Variants in DCPH1 observed in about 807,000 individuals in gnomAD.
DCPH1 encodes the protein damage-control phosphatase 1.
the DCPH1 span, chr6:151,452,516 C>A: frequency 6.2e-7 from 1 of 1,610,996 alleles, no homozygotes; most frequent in Non-Finnish European, 8.5e-7. Context: ...ATTGAACAGC[C>A]GAGCTTTGCG....
chr6:151,455,217 G>A, the DCPH1 span, among the ~76,000 whole-genome samples: 51 of 152,336 alleles, frequency 3.3e-4, 1 homozygote, highest in African/African-American at 1.2e-3. Flanking sequence ...TATTGAAGGG[G>A]TGGGTTGCCC....
chr6:151,464,721 TGA>T, the DCPH1 span: 1 of 736,086 alleles, frequency 1.4e-6, no homozygotes, highest in Non-Finnish European at 2.0e-6. Context: ...CTATAATTGA[TGA>T]TTTTTTATCT....
chr6:151,456,622 C>T, the DCPH1 span, among the ~76,000 whole-genome samples: 1 of 152,062 alleles, frequency 6.6e-6, no homozygotes, highest in African/African-American at 2.4e-5. Context: ...TGGTCATATA[C>T]GCAAGCAAAT....
At chr6:151,469,072 G>C in the DCPH1 span, 1 of 1,613,406 alleles carries the variant, frequency 6.2e-7, no homozygotes, top group Non-Finnish European at 8.5e-7. Context: ...GTGGACCACT[G>C]GAAAATATGG....
the DCPH1 span, among the ~76,000 whole-genome samples, chr6:151,454,113 G>A: frequency 1.2e-4 from 19 of 152,158 alleles, no homozygotes; most frequent in African/African-American, 4.3e-4. Context: ...TGTTGTTCAA[G>A]CACATTAGAC....
chr6:151,458,195 T>C, the DCPH1 span: 1 of 1,175,916 alleles, frequency 8.5e-7, no homozygotes, highest in South Asian at 1.6e-5. Context: ...GAGTTCTAAA[T>C]GTAATGTTTA....
chr6:151,454,928 C>G, the DCPH1 span, among the ~76,000 whole-genome samples: 2 of 152,140 alleles, frequency 1.3e-5, no homozygotes, highest in Admixed American at 1.3e-4. Context: ...GGGCAACAGA[C>G]TTGCAATTGA....
At chr6:151,469,942 AT>A in the DCPH1 span, 3 of 152,232 alleles carry the variant, frequency 2.0e-5, no homozygotes, top group Non-Finnish European at 2.9e-5. Context: ...ACTACCAACA[AT>A]GAATGAATTT....
chr6:151,463,743 C>G, the DCPH1 span, among the ~76,000 whole-genome samples: 44 of 152,186 alleles, frequency 2.9e-4, no homozygotes, highest in Admixed American at 4.6e-4. Flanking sequence ...TTGGAAGACC[C>G]AATAATCTGA....
the DCPH1 span, among the ~76,000 whole-genome samples, chr6:151,466,839 C>T: frequency 1.3e-5 from 2 of 152,076 alleles, no homozygotes; most frequent in South Asian, 2.1e-4. Context: ...TGAAGGCCAT[C>T]GTGGACACCA....
chr6:151,456,873 T>G, the DCPH1 span, among the ~76,000 whole-genome samples: 1 of 152,212 alleles, frequency 6.6e-6, no homozygotes, highest in Non-Finnish European at 1.5e-5. Context: ...ATGTAGTAAT[T>G]AATGAAGTCC....
At chr6:151,469,842 C>T in the DCPH1 span, 1 of 151,896 alleles carries the variant, frequency 6.6e-6, no homozygotes, top group Admixed American at 6.6e-5. Flanking sequence ...ATTATTTTAC[C>T]ACATAAATGT....
At chr6:151,458,992 C>T in the DCPH1 span, among the ~76,000 whole-genome samples, 4 of 151,968 alleles carry the variant, frequency 2.6e-5, no homozygotes, top group African/African-American at 9.7e-5. Flanking sequence ...AAAAAATTAG[C>T]GAGGCATGGT....
At chr6:151,462,219 G>A in the DCPH1 span, among the ~76,000 whole-genome samples, 5 of 152,170 alleles carry the variant, frequency 3.3e-5, no homozygotes, top group Non-Finnish European at 5.9e-5. Flanking sequence ...TTAATAAAGT[G>A]TAATATACAT....
At chr6:151,468,432 C>T in the DCPH1 span, 1 of 1,611,216 alleles carries the variant, frequency 6.2e-7, no homozygotes, top group Non-Finnish European at 8.5e-7. Context: ...CATTGGAAGA[C>T]CTAAAACCTT....
the DCPH1 span, chr6:151,458,667 G>C: frequency 9.2e-7 from 1 of 1,089,760 alleles, no homozygotes; most frequent in Non-Finnish European, 1.3e-6. Context: ...ACCAGTGGAA[G>C]CTTGAATTTG....
chr6:151,461,138 T>C, the DCPH1 span, among the ~76,000 whole-genome samples: 1 of 152,206 alleles, frequency 6.6e-6, no homozygotes, highest in African/African-American at 2.4e-5. Flanking sequence ...GGGGTGATGG[T>C]TTCCTAATTT....
chr6:151,453,967 G>T, the DCPH1 span, among the ~76,000 whole-genome samples: 1 of 152,152 alleles, frequency 6.6e-6, no homozygotes, highest in African/African-American at 2.4e-5. Flanking sequence ...TTGCTTAGGG[G>T]CAGAATAGGA....
At chr6:151,468,896 G>A in the DCPH1 span, 5 of 1,613,824 alleles carry the variant, frequency 3.1e-6, no homozygotes, top group Non-Finnish European at 4.2e-6. Flanking sequence ...TTGAATTACA[G>A]GAAGTTGACA....
Sources: gnomAD v4.1 joint callset for allele counts (sites outside exome capture counted in the v4.1 genomes callset) on GRCh38, gnomAD v4.1.1 for gene constraint, MANE v1.5 for transcripts, NCBI Gene and HGNC (gene_info 2026-07-23, HGNC 2026-07-21) for gene names.